ST8SIA2: variants seen among roughly 807,000 people sequenced by gnomAD.
The protein encoded by ST8SIA2 is ST8 alpha-N-acetyl-neuraminide alpha-2,8-sialyltransferase 2, also known as alpha-2,8-sialyltransferase 8B.
Under a neutral mutation model 37.6 loss-of-function variants are expected in ST8SIA2, and 22 were observed. The observed-to-expected ratio is 0.58, with a 90% CI of 0.42 to 0.83. The LOEUF (loss-of-function observed/expected upper bound fraction) is 0.83, where lower values mean the gene tolerates loss of function less well. ST8SIA2 is among the 40% of genes least tolerant of loss of function. ST8SIA2 has a pLI of 0.00. For missense variants in ST8SIA2, 382 were observed against 484.7 expected (o/e 0.79, Z 1.99); for synonymous variants, 205 against 201.2 (o/e 1.02, Z -0.16).
At chr15:92,453,166 A>G (rs1266985583) in intron 5 of ST8SIA2, among the ~76,000 whole-genome samples, 3 of 152,090 alleles carry the variant, frequency 2.0e-5, no homozygotes, top group Non-Finnish European at 2.9e-5. Context: ...GATCTCTACT[A>G]TCTCCACTGT....
At position 92,419,993 on chromosome 15, in the gene ST8SIA2, G is replaced by A. The variant is rs554000865; in HGVS notation, c.99-10056G>A. On this transcript the variant is annotated intron_variant, in intron 1 of 5. Coordinates refer to ENST00000268164, the MANE Select transcript of ST8SIA2 (RefSeq NM_006011.4). ...CGATTCTCCTGCCTCAGCCTCCGGA[G>A]TAGCTAGGATTACAGGCGTGCACCA... 2.2e-3 allele frequency among the ~76,000 whole-genome samples: 329 copies of A among 152,308 alleles called. 2 individuals carry two copies. The highest frequency in any genetic ancestry group is 7.4e-3 in the African/African-American group (309 of 41,570).
rs79826004 is a variant in ST8SIA2 at position 92,405,012 on chromosome 15, G to A, written c.98+10850G>A. On this transcript the variant is annotated intron_variant, in intron 1 of 5. Coordinates refer to ENST00000268164, the MANE Select transcript of ST8SIA2 (RefSeq NM_006011.4). The stretch of plus-strand genomic sequence containing the variant: ...GTGGTGGCTCACCCCTGTAATCCCA[G>A]CTCTTAGGGAGGCACAGGCAGGAGG... Among the ~76,000 whole-genome samples, 8 of 152,294 alleles carry A rather than the reference G, an allele frequency of 5.3e-5. No individual in the cohort carries two copies. In the East Asian group the frequency reaches 1.5e-3, roughly 29 times the overall value.
In ST8SIA2 at chr15:92,416,101, A is replaced by G. The variant is rs147515876; in HGVS notation, c.99-13948A>G. On this transcript the variant is annotated intron_variant, in intron 1 of 5. Coordinates refer to ENST00000268164, the MANE Select transcript of ST8SIA2 (RefSeq NM_006011.4). ...CTGTGTCTGTGTAGGGAGGGCTGGCAGATCAGCAGTCTCTGCACATCGCAG... is the reference window on the plus strand; with the variant it reads ...CTGTGTCTGTGTAGGGAGGGCTGGCGGATCAGCAGTCTCTGCACATCGCAG... 4.0e-3 allele frequency among the ~76,000 whole-genome samples: 605 copies of G among 152,174 alleles called. 2 individuals carry two copies. Among genetic ancestry groups the G allele is most frequent in the Admixed American group, 7.3e-3 (112 of 15,288 alleles).
intron 5 of ST8SIA2, among the ~76,000 whole-genome samples, chr15:92,462,743 C>T (rs1054610249): frequency 2.6e-5 from 4 of 152,168 alleles, no homozygotes. Flanking sequence ...GGTCTAGAGA[C>T]ACAATGGTAA....
chr15:92,459,605 T>G (rs753047951), intron 5 of ST8SIA2, among the ~76,000 whole-genome samples: 2 of 152,176 alleles, frequency 1.3e-5, no homozygotes, highest in East Asian at 3.9e-4. Context: ...GGTGTTGTTT[T>G]GTTTTGTTTT....
chr15:92,427,675 T>C (rs2892364), intron 1 of ST8SIA2, among the ~76,000 whole-genome samples: 86,824 of 152,092 alleles, frequency 0.57, 25,415 homozygotes, highest in East Asian at 0.72. Flanking sequence ...TTTCTTTCTT[T>C]AAATATTCAA....
intron 1 of ST8SIA2, among the ~76,000 whole-genome samples, chr15:92,405,118 A>G (rs2049498574): frequency 6.6e-6 from 1 of 152,170 alleles, no homozygotes; most frequent in Admixed American, 6.5e-5. Flanking sequence ...AAAAAGGTAT[A>G]TCCATACAAT....
At chr15:92,431,171 T>A (rs1021879925) in intron 2 of ST8SIA2, among the ~76,000 whole-genome samples, 3 of 152,162 alleles carry the variant, frequency 2.0e-5, no homozygotes, top group African/African-American at 7.2e-5. Flanking sequence ...TGTTCTATTA[T>A]GAAATGATGC....
chr15:92,427,631 A>G (rs2141826067), intron 1 of ST8SIA2, among the ~76,000 whole-genome samples: 1 of 152,286 alleles, frequency 6.6e-6, no homozygotes, highest in East Asian at 1.9e-4. Flanking sequence ...TTTGATGAAT[A>G]TCCTCTTCCC....
chr15:92,405,272 A>C (rs1413174415), intron 1 of ST8SIA2, among the ~76,000 whole-genome samples: 1 of 152,242 alleles, frequency 6.6e-6, no homozygotes. Flanking sequence ...GGCATCTGGA[A>C]TGGTCAAATT....
At chr15:92,402,049 A>G (rs2049476076) in intron 1 of ST8SIA2, among the ~76,000 whole-genome samples, 1 of 152,070 alleles carries the variant, frequency 6.6e-6, no homozygotes, top group Non-Finnish European at 1.5e-5. Flanking sequence ...CCTTTCTTTT[A>G]TGAAAGGGAG....
At chr15:92,426,032 C>T (rs919308233) in intron 1 of ST8SIA2, among the ~76,000 whole-genome samples, 58 of 152,092 alleles carry the variant, frequency 3.8e-4, no homozygotes, top group African/African-American at 1.4e-3. Flanking sequence ...TTAACACGCC[C>T]CCTCGAGGAC....
chr15:92,450,120 T>G (rs974839794), intron 5 of ST8SIA2, among the ~76,000 whole-genome samples: 12 of 152,204 alleles, frequency 7.9e-5, no homozygotes, highest in Non-Finnish European at 1.6e-4. Flanking sequence ...TACCTAGAAA[T>G]GTAAAACATT....
chr15:92,442,090 G>A (rs1339996653), intron 4 of ST8SIA2, among the ~76,000 whole-genome samples: 1 of 152,162 alleles, frequency 6.6e-6, no homozygotes, highest in East Asian at 1.9e-4. Context: ...CCTTCCTAAC[G>A]CCTCCTTCTC....
rs140480184 is a variant in ST8SIA2, at chr15:92,432,210, C to T, written c.162-2037C>T. ...AGCTAGCCTCTTAGTGCGATAACTC[C>T]TCATCACCAACATTAAAGCATTTCT... is the stretch of plus-strand genomic sequence containing the variant. On this transcript the variant is annotated intron_variant, in intron 2 of 5. Transcript: ENST00000268164. Among the ~76,000 whole-genome samples the T allele has an allele frequency of 7.8e-3, 1,185 of 152,262 alleles. 21 individuals are homozygous for T. The highest frequency in any genetic ancestry group is 0.027 in the African/African-American group (1,104 of 41,532).
Position 92,464,512 on chromosome 15 carries a change from A to G in ST8SIA2, c.*127A>G. 1 of 993,220 alleles carries G rather than the reference A, an allele frequency of 1.0e-6. No individual in the cohort carries two copies. Among genetic ancestry groups the G allele is most frequent in the Non-Finnish European group, 1.6e-6 (1 of 633,024 alleles). The allele number at this position is 993,220 out of a possible 1,614,324, so 61.5% of individuals were successfully genotyped here. ...GGTTTTCTTTGTTAAAGTGTAAAACAGTGACCAGAATATATATATCTATAC... is the reference window on the plus strand; with the variant it reads ...GGTTTTCTTTGTTAAAGTGTAAAACGGTGACCAGAATATATATATCTATAC... On this transcript the variant is annotated 3_prime_UTR_variant, in exon 6 of 6. Coordinates refer to ENST00000268164, the MANE Select transcript of ST8SIA2 (RefSeq NM_006011.4).
intron 1 of ST8SIA2, among the ~76,000 whole-genome samples, chr15:92,427,522 T>G (rs2049685641): frequency 6.6e-6 from 1 of 152,222 alleles, no homozygotes; most frequent in Non-Finnish European, 1.5e-5. Context: ...TTTTGGATTT[T>G]TATAAAGTTA....
chr15:92,402,264 A>G (rs985439244), intron 1 of ST8SIA2, among the ~76,000 whole-genome samples: 2 of 152,218 alleles, frequency 1.3e-5, no homozygotes, highest in Admixed American at 6.5e-5. Flanking sequence ...CCAGCAGAGA[A>G]TAACAACAAA....
At position 92,467,251 on chromosome 15, in the gene ST8SIA2, C is replaced by G. The variant is rs1211357921; in HGVS notation, c.*2866C>G. On this transcript the variant is annotated 3_prime_UTR_variant, in exon 6 of 6. Transcript: ENST00000268164. ...GAGAAACGTCATCCCCACCAGTTAA[C>G]GTTTCCTGTACACCCTCACCCTCTC... The G allele has an allele frequency of 6.5e-6, 1 of 153,412 alleles. No homozygotes were observed. Among genetic ancestry groups the G allele is most frequent in the African/African-American group, 2.4e-5 (1 of 41,468 alleles). The allele number at this position is 153,412 out of a possible 1,614,324, so 9.5% of individuals were successfully genotyped here. A position where few individuals can be genotyped will look rare whatever the true frequency, so the allele number is the denominator to read the frequency against.
Sources: gnomAD v4.1 joint callset for allele counts (sites outside exome capture counted in the v4.1 genomes callset) on GRCh38, gnomAD v4.1.1 for gene constraint, MANE v1.5 for transcripts, NCBI Gene and HGNC (gene_info 2026-07-23, HGNC 2026-07-21) for gene names.